The following SRR variants were observed in gnomAD, a reference collection of about 807,000 sequenced individuals.
The protein encoded by SRR is D-serine ammonia-lyase.
In SRR, 19 loss-of-function variants were observed where a neutral mutation model predicts 32.7. The ratio of observed to expected loss-of-function variants is 0.58; its 90% confidence interval spans 0.40 to 0.85. The LOEUF is 0.85. Among genes scored for constraint, SRR ranks in the 40% least tolerant of loss-of-function variants. SRR has a pLI of 0.00. For missense variants in SRR, 373 were observed against 404.7 expected, an observed-to-expected ratio of 0.92 and a Z score of 0.67; for synonymous variants, 142 against 140.9, an observed-to-expected ratio of 1.01 and a Z score of -0.06.
chr17:2,323,018 G>C, intron 6 of SRR, 118 bp from the exon 7 acceptor site: 1 of 1,036,548 alleles, frequency 9.6e-7, no homozygotes, highest in Non-Finnish European at 1.4e-6. Context: ...ACCCGCCTCG[G>C]GCTCCCAAAG....
chr17:2,304,462 C>G (rs1273595170), intron 1 of SRR, among the ~76,000 whole-genome samples: 9 of 149,792 alleles, frequency 6.0e-5, no homozygotes, highest in African/African-American at 2.2e-4. Context: ...AGGCTGGTCT[C>G]GAACTCCTGA....
At position 2,323,634 on chromosome 17, in the gene SRR, T is replaced by G. The variant is rs769597237; in HGVS notation, c.805-21T>G. On this transcript the variant is annotated intron_variant, in intron 7 of 7. Transcript: ENST00000344595. ...ACTAGACTCCCCTTTCACTAATTCC[T>G]ACTCCCTTCCATATCAACAGTGTGC... 1.4e-5 allele frequency: 23 copies of G among 1,611,824 alleles called. 1 individual carries two copies. In the South Asian group the frequency reaches 2.4e-4, roughly 17 times the overall value.
At chr17:2,318,793 T>C (rs1050766891) in intron 3 of SRR, 33 bp from the exon 4 acceptor site, 2 of 1,540,038 alleles carry the variant, frequency 1.3e-6, no homozygotes, top group Admixed American at 3.3e-5. Flanking sequence ...TTCTAAATTC[T>C]CCTGACTTTT....
chr17:2,315,071 G>A (rs563934084), intron 1 of SRR, among the ~76,000 whole-genome samples: 73 of 151,182 alleles, frequency 4.8e-4, no homozygotes, highest in Non-Finnish European at 8.6e-4. Context: ...GTGAAACCCC[G>A]TGTCTACTAA....
upstream of SRR, chr17:2,303,596 G>C: frequency 7.2e-7 from 1 of 1,393,584 alleles, no homozygotes. Flanking sequence ...AGGCGGGGCG[G>C]GCAGGCCCGG....
In SRR at chr17:2,324,816, G is replaced by A; in HGVS notation, c.*943G>A. The A allele has an allele frequency of 1.2e-6, 2 of 1,611,522 alleles. No individual in the cohort carries two copies. Among genetic ancestry groups the A allele is most frequent in the Non-Finnish European group, 8.5e-7 (1 of 1,179,376 alleles). On this transcript the variant is annotated 3_prime_UTR_variant, in exon 8 of 8. Transcript: ENST00000344595. The stretch of plus-strand genomic sequence containing the variant: ...CTGACATAAGATGGCCTGTAGCAAT[G>A]AGGCTGTGCATTCCTAAAGGACAAA...
chr17:2,303,794 GGCGCGCGCGCTCGCCC>G, upstream of SRR: 2 of 1,282,570 alleles, frequency 1.6e-6, no homozygotes, highest in Non-Finnish European at 2.1e-6. Flanking sequence ...ACAGACGGGC[GGCGCGCGCGCTCGCCC>G]ACCTCCCGGC....
chr17:2,318,135 A>C, intron 3 of SRR, 139 bp downstream of exon 3: 1 of 1,052,148 alleles, frequency 9.5e-7, no homozygotes, highest in Non-Finnish European at 1.3e-6. Flanking sequence ...TATGAACATA[A>C]GTTTTTTTTT....
At chr17:2,313,399 C>T (rs2075447037) in intron 1 of SRR, among the ~76,000 whole-genome samples, 1 of 145,368 alleles carries the variant, frequency 6.9e-6, no homozygotes, top group Non-Finnish European at 1.5e-5. Context: ...CACCGCACTC[C>T]AGCCTGGCGG....
In SRR at chr17:2,316,861, T is replaced by C. The variant is rs76313698; in HGVS notation, c.169-1009T>C. On this transcript the variant is annotated intron_variant, in intron 2 of 7. Transcript: ENST00000344595. ...CCGATTACCTGGGACTACAGGCGCC[T>C]GCCACCACGCCCAGCTAATTTTTTT... Among the ~76,000 whole-genome samples, 896 of 148,182 alleles carry C rather than the reference T, an allele frequency of 6.0e-3. 9 individuals carry two copies. Among genetic ancestry groups the C allele is most frequent in the African/African-American group, 8.5e-3 (341 of 40,280 alleles).
At position 2,323,150 on chromosome 17, in the gene SRR, T is replaced by C; in HGVS notation, c.609T>C (p.Ser203=). 1 of 1,614,156 alleles carries C rather than the reference T, an allele frequency of 6.2e-7. No individual in the cohort carries two copies. The highest frequency in any genetic ancestry group is 8.5e-7 in the Non-Finnish European group (1 of 1,180,028). ...IAITVKALKP[S]VKVYAAEPSN... is the part of the protein sequence containing the mutation. ...CCTCTTCCCAGGCTCTGAAACCTAG[T>C]GTGAAGGTATATGCTGCTGAACCCT... Residue 203 remains serine, a synonymous_variant, in exon 7 of 8, where the codon AGT becomes AGC. Transcript: ENST00000344595.
intron 1 of SRR, among the ~76,000 whole-genome samples, chr17:2,305,108 A>G (rs1281203693): frequency 6.6e-6 from 1 of 152,224 alleles, no homozygotes; most frequent in Non-Finnish European, 1.5e-5. Context: ...CCGGAAGGTT[A>G]AGCATAAGAA....
intron 6 of SRR, 32 bp downstream of exon 6, chr17:2,321,648 A>C: frequency 5.0e-6 from 8 of 1,598,830 alleles, no homozygotes; most frequent in Non-Finnish European, 6.0e-6. Flanking sequence ...CCCTGCTTCA[A>C]GCAGAGGATT....
At chr17:2,303,456 C>A (rs1597251469), upstream of SRR, 3 of 1,314,088 alleles carry the variant, frequency 2.3e-6, no homozygotes, top group Admixed American at 4.2e-5. Flanking sequence ...CGAGCCCGAC[C>A]CCGCACTAAC....
Position 2,323,718 on chromosome 17 carries a change from G to A in SRR, c.868G>A (p.Val290Met). Residue 290 changes from valine (V) to methionine (M), a missense_variant, in exon 8 of 8, where the codon GTG (valine) becomes ATG (methionine). Transcript: ENST00000344595. ...LLIEPTAGVGVAAVLSQHFQT... is the reference protein window; with the variant it reads ...LLIEPTAGVGMAAVLSQHFQT... ...CATTGAACCTACAGCTGGTGTTGGAGTGGCTGCTGTGCTGTCTCAACATTT... is the reference window on the plus strand; with the variant it reads ...CATTGAACCTACAGCTGGTGTTGGAATGGCTGCTGTGCTGTCTCAACATTT... The A allele has an allele frequency of 2.5e-6, 4 of 1,614,058 alleles. No homozygotes were observed. The highest frequency in any genetic ancestry group is 1.1e-5 in the South Asian group (1 of 91,084).
chr17:2,321,613 T>A lies in SRR; in HGVS notation c.591T>A (p.Val197=). 6.2e-7 allele frequency: 1 copy of A among 1,613,850 alleles called. No individual in the cohort carries two copies. The change falls in exon 6 of 8, where the codon GTT becomes GTA. Residue 197 remains valine (V), a synonymous_variant. Coordinates refer to ENST00000344595, the MANE Select transcript of SRR (RefSeq NM_021947.3). ...GGMLAGIAIT[V]KALKPSVKVY... is the part of the protein sequence containing the mutation. The stretch of plus-strand genomic sequence containing the variant: ...TGCTTGCTGGAATAGCAATTACAGT[T>A]AAGGTGAGCAGCTTCTGGAGGATTC...
At chr17:2,311,373 C>T (rs907704028) in intron 1 of SRR, among the ~76,000 whole-genome samples, 2 of 152,092 alleles carry the variant, frequency 1.3e-5, no homozygotes, top group Admixed American at 6.5e-5. Context: ...TGGTGGCTCA[C>T]GCCTGTAATC....
At chr17:2,307,836 G>C (rs1259322352) in intron 1 of SRR, 5 of 664,822 alleles carry the variant, frequency 7.5e-6, no homozygotes, top group Non-Finnish European at 1.4e-5. Flanking sequence ...CTGCTACAAA[G>C]AAGATATGTT....
chr17:2,317,883 T>A lies in SRR; in HGVS notation c.182T>A (p.Leu61His). 1 of 1,613,898 alleles carries A rather than the reference T, an allele frequency of 6.2e-7. No individual in the cohort carries two copies. Among genetic ancestry groups the A allele is most frequent in the Non-Finnish European group, 8.5e-7 (1 of 1,179,906 alleles). The part of the protein sequence containing the change: ...KTGSFKIRGA[L>H]NAVRSLVPDA... ...CCTCTTTTTCAGATTCGTGGTGCTC[T>A]CAATGCCGTCAGAAGCTTGGTTCCT... Residue 61 changes from leucine (L) to histidine (H), a missense_variant, in exon 3 of 8, where the codon CTC becomes CAC. Physicochemically the swap from Leu to His is moderately conservative, Grantham distance 99 (BLOSUM62 -3). Coordinates refer to ENST00000344595, the MANE Select transcript of SRR (RefSeq NM_021947.3).
Sources: gnomAD v4.1 joint callset for allele counts (sites outside exome capture counted in the v4.1 genomes callset) on GRCh38, gnomAD v4.1.1 for gene constraint, MANE v1.5 for transcripts, NCBI Gene and HGNC (gene_info 2026-07-23, HGNC 2026-07-21) for gene names.